The following ART3 variants were observed in gnomAD, a reference collection of about 807,000 sequenced individuals.
ART3 encodes ecto-ADP-ribosyltransferase 3.
In ART3, 49 loss-of-function variants were observed where a neutral mutation model predicts 48.5. The ratio of observed to expected loss-of-function variants is 1.01; its 90% CI spans 0.80 to 1.28. The LOEUF (loss-of-function observed/expected upper bound fraction) is 1.28. Ranked by LOEUF, ART3 falls within the 50% of genes most tolerant of loss-of-function variation. The probability of loss-of-function intolerance (pLI) is 0.00; values close to 1 mark genes in which losing one functional copy is unlikely to be tolerated. For synonymous variants in ART3, 145 were observed against 157.2 expected, an observed-to-expected ratio of 0.92 and a Z score of 0.58; for missense variants, 438 against 454.3, an observed-to-expected ratio of 0.96 and a Z score of 0.33.
At chr4:76,105,404 T>C (rs1309076866) in intron 10 of ART3, 1 of 933,784 alleles carries the variant, frequency 1.1e-6, no homozygotes, top group East Asian at 6.9e-5. Context: ...AAAGCTTCTG[T>C]CTTGCAGGAC....
intron 1 of ART3, among the ~76,000 whole-genome samples, chr4:76,040,732 C>A (rs1302545659): frequency 1.3e-5 from 2 of 152,120 alleles, no homozygotes; most frequent in African/African-American, 4.8e-5. Context: ...TTCCTCAGAG[C>A]TAAATCACAG....
intron 1 of ART3, among the ~76,000 whole-genome samples, chr4:76,027,201 C>T (rs575325695): frequency 3.3e-5 from 5 of 152,022 alleles, no homozygotes; most frequent in East Asian, 3.9e-4. Flanking sequence ...TGCAGTGAGC[C>T]GAGATCACGC....
intron 3 of ART3, among the ~76,000 whole-genome samples, chr4:76,097,374 T>A (rs988281893): frequency 3.4e-5 from 5 of 147,342 alleles, no homozygotes; most frequent in African/African-American, 9.9e-5. Context: ...CTGGCTAATT[T>A]AAAAAAAAAA....
At chr4:76,051,965 A>G (rs1192895636) in intron 1 of ART3, among the ~76,000 whole-genome samples, 4 of 143,704 alleles carry the variant, frequency 2.8e-5, no homozygotes, top group Admixed American at 1.5e-4. Context: ...GTGGAGTGCA[A>G]TGGCGCAATC....
chr4:76,112,568 G>A lies in ART3; in HGVS notation c.*49G>A, dbSNP rs62318929. On this transcript the variant is annotated 3_prime_UTR_variant, in exon 12 of 12. Transcript: ENST00000355810. ...TATTCTTTACTTGAAATAACTATAG[G>A]GATCCACAGGAGATCAAAAGGAATG... is the stretch of plus-strand genomic sequence containing the variant. 0.15 allele frequency: 230,527 copies of A among 1,538,086 alleles called. 18,540 individuals carry two copies. The highest frequency in any genetic ancestry group is 0.35 in the East Asian group (15,187 of 43,362).
At chr4:76,022,319 T>C in intron 1 of ART3, 1 of 1,473,044 alleles carries the variant, frequency 6.8e-7, no homozygotes, top group Non-Finnish European at 9.5e-7. Flanking sequence ...CTCCCAAGAT[T>C]GCCGTTTCCT....
rs34858048 is a variant in ART3 at position 76,069,386 on chromosome 4, C to CTTTTTTT, written c.-9-6480_-9-6474dup. On this transcript the variant is annotated intron_variant, in intron 1 of 9. Coordinates refer to the ART3 transcript ENST00000341029. ...ATGTAAATGTATCAGTACTTAATTC[C>CTTTTTTT]TTTTTTTTTTTTTTTTTTTTTGAGA... Among the ~76,000 whole-genome samples, 63 of 110,100 alleles carry CTTTTTTT rather than the reference C, an allele frequency of 5.7e-4. 4 individuals carry two copies. The highest frequency in any genetic ancestry group is 1.4e-3 in the African/African-American group (42 of 29,028). The allele number at this position is 110,100 out of a possible 152,430, so 72.2% of individuals were successfully genotyped here. A position where few individuals can be genotyped will look rare whatever the true frequency, so the allele number is the denominator to read the frequency against.
intron 11 of ART3, among the ~76,000 whole-genome samples, chr4:76,110,463 T>C (rs1729273119): frequency 6.6e-6 from 1 of 152,198 alleles, no homozygotes; most frequent in East Asian, 1.9e-4. Context: ...CAAAGGATAC[T>C]GAGGGATGAC....
At chr4:76,083,755 G>A (rs1722972032) in intron 3 of ART3, among the ~76,000 whole-genome samples, 1 of 152,198 alleles carries the variant, frequency 6.6e-6, no homozygotes, top group Non-Finnish European at 1.5e-5. Flanking sequence ...ACAGGTCATT[G>A]ACTTGAACAG....
At chr4:76,046,861 G>A (rs576529307) in intron 1 of ART3, among the ~76,000 whole-genome samples, 1 of 152,148 alleles carries the variant, frequency 6.6e-6, no homozygotes, top group South Asian at 2.1e-4. Flanking sequence ...TTCCTCGGGT[G>A]GTAACGGACC....
At chr4:76,023,450 T>A (rs1733075931) in intron 1 of ART3, 3 of 1,610,884 alleles carry the variant, frequency 1.9e-6, no homozygotes, top group Non-Finnish European at 2.5e-6. Context: ...GACTGGAGGT[T>A]CCTCTGCTGT....
In ART3 at chr4:76,112,594, A is replaced by T; in HGVS notation, c.*75A>T. On this transcript the variant is annotated 3_prime_UTR_variant, in exon 12 of 12. Coordinates refer to ENST00000355810, the MANE Select transcript of ART3 (RefSeq NM_001130016.3). ...GATCCACAGGAGATCAAAAGGAATGATGTATTTTTTACGTGTTGGCCAAAG... is the reference window on the plus strand; with the variant it reads ...GATCCACAGGAGATCAAAAGGAATGTTGTATTTTTTACGTGTTGGCCAAAG... 6.9e-7 allele frequency: 1 copy of T among 1,455,836 alleles called. No homozygotes were observed. Among genetic ancestry groups the T allele is most frequent in the Non-Finnish European group, 9.2e-7 (1 of 1,091,396 alleles). The allele number at this position is 1,455,836 out of a possible 1,614,324, so 90.2% of individuals were successfully genotyped here.
At chr4:76,079,914 T>A (rs1300103838) in intron 2 of ART3, among the ~76,000 whole-genome samples, 5 of 137,978 alleles carry the variant, frequency 3.6e-5, no homozygotes, top group South Asian at 2.5e-4. Flanking sequence ...TCTCTCTCTC[T>A]CTCTCACACA....
At chr4:76,043,286 G>A (rs990190678) in intron 1 of ART3, among the ~76,000 whole-genome samples, 10 of 152,140 alleles carry the variant, frequency 6.6e-5, no homozygotes, top group Admixed American at 3.3e-4. Flanking sequence ...TCCCGGTGCT[G>A]TGTGCCCACA....
At chr4:76,074,955 A>T (rs1720744549) in intron 1 of ART3, 136 bp downstream of exon 1, 1 of 152,234 alleles carries the variant, frequency 6.6e-6, no homozygotes, top group African/African-American at 2.4e-5. Flanking sequence ...TTTTGGAAAG[A>T]GAAGTTTAAC....
At chr4:76,057,287 G>A (rs1233878658) in intron 1 of ART3, among the ~76,000 whole-genome samples, 1 of 152,178 alleles carries the variant, frequency 6.6e-6, no homozygotes, top group African/African-American at 2.4e-5. Flanking sequence ...GTTCTGACAG[G>A]AACCTAGGAA....
intron 2 of ART3, among the ~76,000 whole-genome samples, chr4:76,076,353 G>T (rs963160486): frequency 2.0e-5 from 3 of 152,082 alleles, no homozygotes; most frequent in African/African-American, 7.2e-5. Flanking sequence ...TGTGTGGCTT[G>T]ATGGTGGAAA....
chr4:76,077,233 A>G (rs755521675), intron 2 of ART3, among the ~76,000 whole-genome samples: 9 of 152,092 alleles, frequency 5.9e-5, no homozygotes, highest in Non-Finnish European at 1.2e-4. Context: ...TTCTGTGTCT[A>G]TGGTTTTGCC....
chr4:76,106,574 T>A (rs1441451684), intron 10 of ART3, among the ~76,000 whole-genome samples: 1 of 152,178 alleles, frequency 6.6e-6, no homozygotes, highest in East Asian at 1.9e-4. Context: ...TGTGTGTCTG[T>A]TCCCATACAT....
Sources: allele counts gnomAD v4.1 joint callset (sites outside exome capture counted in the v4.1 genomes callset), GRCh38; gene constraint gnomAD v4.1.1; transcripts MANE v1.5; gene names NCBI Gene and HGNC (gene_info 2026-07-23, HGNC 2026-07-21).